The following AHCTF1 variants were observed in gnomAD, a reference collection of about 807,000 sequenced individuals.
AHCTF1 encodes protein ELYS.
In AHCTF1, 24 loss-of-function variants were observed where a neutral mutation model predicts 248.4. The observed-to-expected ratio is 0.10, with a 90% CI of 0.07 to 0.14. AHCTF1 has a LOEUF of 0.14. Among genes scored for constraint, AHCTF1 ranks in the 10% least tolerant of loss-of-function variants. The probability of loss-of-function intolerance (pLI) is 1.00; values close to 1 mark genes in which losing one functional copy is unlikely to be tolerated. For missense variants in AHCTF1, 2,206 were observed against 2,636.2 expected (o/e 0.84, Z 3.57); for synonymous variants, 786 against 929.8 (o/e 0.85, Z 2.81).
chr1:246,896,075 T>C (rs1664552735), intron 12 of AHCTF1, 150 bp from the exon 13 acceptor site: 2 of 593,118 alleles, frequency 3.4e-6, no homozygotes, highest in East Asian at 2.8e-5. Flanking sequence ...ATAACAAGCA[T>C]GGTAAGGACG....
chr1:246,891,410 T>C (rs1326188178), intron 15 of AHCTF1, among the ~76,000 whole-genome samples: 4 of 152,208 alleles, frequency 2.6e-5, no homozygotes, highest in South Asian at 2.1e-4. Context: ...CTAATAAAGA[T>C]TGTTCAAAAC....
intron 33 of AHCTF1, among the ~76,000 whole-genome samples, chr1:246,848,845 A>G (rs545802508): frequency 1.8e-4 from 18 of 100,598 alleles, no homozygotes; most frequent in Non-Finnish European, 2.9e-4. Context: ...GTGAGACTCT[A>G]CCTCAAACAA....
chr1:246,931,218 C>G (rs755981311), intron 1 of AHCTF1: 1 of 1,550,328 alleles, frequency 6.5e-7, no homozygotes. Flanking sequence ...GGCCCGCCAA[C>G]GAGTCCATCG....
At chr1:246,883,758 C>G (rs1010691257) in intron 21 of AHCTF1, among the ~76,000 whole-genome samples, 1 of 152,066 alleles carries the variant, frequency 6.6e-6, no homozygotes, top group Non-Finnish European at 1.5e-5. Context: ...TGTATAGGAG[C>G]CTTAATGTGC....
At chr1:246,868,864 AGAT>A (rs1662260232) in intron 24 of AHCTF1, among the ~76,000 whole-genome samples, 6 of 109,218 alleles carry the variant, frequency 5.5e-5, no homozygotes, top group Non-Finnish European at 1.1e-4. Flanking sequence ...TTTTTTTTTG[AGAT>A]GGAGTCTCGC....
Position 246,867,647 on chromosome 1 carries a change from G to A in AHCTF1, c.3239+14C>T. On this transcript the variant is annotated intron_variant, in intron 25 of 35. Coordinates refer to ENST00000648844, the MANE Select transcript of AHCTF1 (RefSeq NM_001323342.2). ...AACAAGCAGCATGACTATGAAACGT[G>A]TAAGAAAACATACCTATTGAAAGGT... is the stretch of plus-strand genomic sequence containing the variant. 5.0e-6 allele frequency: 8 copies of A among 1,610,276 alleles called. No individual in the cohort carries two copies. Among genetic ancestry groups the A allele is most frequent in the Non-Finnish European group, 6.8e-6 (8 of 1,179,128 alleles).
intron 35 of AHCTF1, among the ~76,000 whole-genome samples, chr1:246,842,357 G>A (rs1307548125): frequency 1.3e-5 from 2 of 152,014 alleles, no homozygotes; most frequent in African/African-American, 2.4e-5. Flanking sequence ...CAAGGCAGGC[G>A]GATCACTTGA....
rs771564407 is a variant in AHCTF1 at position 246,840,773 on chromosome 1, C to A, written c.*33G>T. 25 of 1,517,312 alleles carry A rather than the reference C, an allele frequency of 1.6e-5. No homozygotes were observed. The highest frequency in any genetic ancestry group is 2.4e-4 in the Middle Eastern group (1 of 4,180). The allele number at this position is 1,517,312 out of a possible 1,614,324, so 94.0% of individuals were successfully genotyped here. A position where few individuals can be genotyped will look rare whatever the true frequency, so the allele number is the denominator to read the frequency against. On this transcript the variant is annotated 3_prime_UTR_variant, in exon 36 of 36. Coordinates refer to ENST00000648844, the MANE Select transcript of AHCTF1 (RefSeq NM_001323342.2). ...AATCCACACTATTCTGATGACTTTA[C>A]AAATAGGTGTACATTAAAATCTTCC...
chr1:246,903,659 C>T (rs797009254), intron 7 of AHCTF1, among the ~76,000 whole-genome samples: 4 of 116,680 alleles, frequency 3.4e-5, no homozygotes, highest in African/African-American at 1.4e-4. Flanking sequence ...GAGACCCCCC[C>T]CCCTCCGTCT....
At chr1:246,869,914 T>C (rs912267215) in intron 24 of AHCTF1, among the ~76,000 whole-genome samples, 3 of 152,204 alleles carry the variant, frequency 2.0e-5, no homozygotes, top group Non-Finnish European at 4.4e-5. Flanking sequence ...CTGTCACAGA[T>C]AGTGATTCCT....
intron 1 of AHCTF1, chr1:246,931,226 T>G: frequency 6.5e-7 from 1 of 1,550,122 alleles, no homozygotes; most frequent in Non-Finnish European, 8.7e-7. Flanking sequence ...AACGAGTCCA[T>G]CGCGTGGGAG....
At chr1:246,897,802 G>A (rs548273008) in intron 12 of AHCTF1, among the ~76,000 whole-genome samples, 1 of 152,038 alleles carries the variant, frequency 6.6e-6, no homozygotes, top group Admixed American at 6.6e-5. Context: ...GCAACATAGC[G>A]AGACCCTGTC....
intron 21 of AHCTF1, among the ~76,000 whole-genome samples, chr1:246,878,003 T>C (rs2103108073): frequency 6.6e-6 from 1 of 152,038 alleles, no homozygotes; most frequent in Admixed American, 6.6e-5. Flanking sequence ...AGCATATCTA[T>C]AAAAATTATA....
At chr1:246,865,895 C>A (rs1188623708) in intron 26 of AHCTF1, among the ~76,000 whole-genome samples, 3 of 151,990 alleles carry the variant, frequency 2.0e-5, no homozygotes, top group African/African-American at 7.2e-5. Flanking sequence ...AGGTTATTTT[C>A]AAAAATCTAT....
In AHCTF1 at chr1:246,853,410, A is replaced by T. The variant is rs1029290152; in HGVS notation, c.4355-111T>A. 10 of 774,974 alleles carry T rather than the reference A, an allele frequency of 1.3e-5. No homozygotes were observed. In the African/African-American group the frequency reaches 1.6e-4, roughly 12 times the overall value. 48.0% of individuals were successfully genotyped at this position (774,974 alleles called of 1,614,324 possible). On this transcript the variant is annotated intron_variant, in intron 31 of 35. Coordinates refer to ENST00000648844, the MANE Select transcript of AHCTF1 (RefSeq NM_001323342.2). The stretch of plus-strand genomic sequence containing the variant: ...ACTGCACTTGAATAGTGTATTAATA[A>T]ACTATCACAATGCCAGAAAAGTCTG...
At chr1:246,888,681 G>C (rs780805476) in intron 17 of AHCTF1, among the ~76,000 whole-genome samples, 164 bp from the exon 18 acceptor site, 8 of 152,166 alleles carry the variant, frequency 5.3e-5, no homozygotes, top group Non-Finnish European at 1.0e-4. Context: ...GGCCAAGGCA[G>C]GAGGATCAAC....
intron 16 of AHCTF1, 42 bp from the exon 17 acceptor site, chr1:246,890,101 C>A (rs1664118885): frequency 7.6e-7 from 1 of 1,322,926 alleles, no homozygotes. Flanking sequence ...TAATAATCCC[C>A]AAATATCTCA....
At chr1:246,856,269 C>A (rs1392775240) in intron 30 of AHCTF1, among the ~76,000 whole-genome samples, 1 of 152,110 alleles carries the variant, frequency 6.6e-6, no homozygotes, top group Non-Finnish European at 1.5e-5. Flanking sequence ...ACCAATGAAA[C>A]CTGTATTAAT....
intron 4 of AHCTF1, among the ~76,000 whole-genome samples, chr1:246,909,430 T>C (rs1377086376): frequency 6.8e-6 from 1 of 147,310 alleles, no homozygotes; most frequent in African/African-American, 2.5e-5. Flanking sequence ...AAAATTTGCA[T>C]GCTGCTCTGA....
Sources: gnomAD v4.1 joint callset for allele counts (sites outside exome capture counted in the v4.1 genomes callset) on GRCh38, gnomAD v4.1.1 for gene constraint, MANE v1.5 for transcripts, NCBI Gene and HGNC (gene_info 2026-07-23, HGNC 2026-07-21) for gene names.